The following LTBP1 variants were observed in gnomAD, a reference collection of about 807,000 sequenced individuals.
LTBP1 encodes latent transforming growth factor beta binding protein 1, also known as latent-transforming growth factor beta-binding protein 1.
A neutral mutation model predicts 207.6 loss-of-function variants in LTBP1; 129 were observed. That is an observed-to-expected ratio of 0.62 (90% CI 0.54 to 0.72). LTBP1 has a LOEUF of 0.72. LTBP1 is among the 30% of genes least tolerant of loss of function. The pLI, the probability that LTBP1 is intolerant of heterozygous loss-of-function variation, is 0.00. For missense variants in LTBP1, 2,281 were observed against 2,217.2 expected (o/e 1.03, Z -0.58); for synonymous variants, 963 against 833.7 (o/e 1.16, Z -2.67).
At chr2:33,078,862 C>CTTTTCTTTTTTTTTTTTTTTTTT (rs1367646259) in intron 3 of LTBP1, among the ~76,000 whole-genome samples, 6 of 106,888 alleles carry the variant, frequency 5.6e-5, no homozygotes, top group Non-Finnish European at 9.1e-5. Flanking sequence ...CTTTTCTTTT[C>CTTTTCTTTTTTTTTTTTTTTTTT]TTTTTTTTTT....
chr2:32,997,303 G>A (rs1410666853), intron 2 of LTBP1, among the ~76,000 whole-genome samples: 4 of 152,066 alleles, frequency 2.6e-5, no homozygotes, highest in Non-Finnish European at 5.9e-5. Context: ...TTGAGGCCAA[G>A]AGTTTGAGAC....
At chr2:33,125,462 C>CA (rs1041394356) in intron 4 of LTBP1, among the ~76,000 whole-genome samples, 5 of 150,380 alleles carry the variant, frequency 3.3e-5, no homozygotes, top group East Asian at 1.9e-4. Flanking sequence ...GAATTTGGGC[C>CA]AAAAAAAAGC....
intron 27 of LTBP1, among the ~76,000 whole-genome samples, 192 bp downstream of exon 27, chr2:33,360,971 A>G (rs1483410480): frequency 1.3e-5 from 2 of 152,222 alleles, no homozygotes; most frequent in African/African-American, 4.8e-5. Context: ...ATCATCGTGT[A>G]CTTTGACAGT....
intron 31 of LTBP1, among the ~76,000 whole-genome samples, chr2:33,373,310 A>G (rs1299632070): frequency 6.6e-6 from 1 of 152,254 alleles, no homozygotes; most frequent in East Asian, 1.9e-4. Context: ...ATCAACATAC[A>G]GAGGCATGGT....
At chr2:33,093,129 G>A (rs772734792) in intron 3 of LTBP1, among the ~76,000 whole-genome samples, 7 of 152,202 alleles carry the variant, frequency 4.6e-5, no homozygotes, top group African/African-American at 7.2e-5. Context: ...GAAGTGGAAC[G>A]TGTCTTTCAA....
chr2:33,102,083 T>A (rs1001862163), intron 3 of LTBP1, among the ~76,000 whole-genome samples: 1 of 151,926 alleles, frequency 6.6e-6, no homozygotes, highest in African/African-American at 2.4e-5. Flanking sequence ...CATTTGGAGG[T>A]TGTGCAGTTT....
intron 3 of LTBP1, among the ~76,000 whole-genome samples, chr2:33,035,304 A>T (rs774727921): frequency 2.0e-5 from 3 of 152,260 alleles, no homozygotes; most frequent in Non-Finnish European, 4.4e-5. Flanking sequence ...CTAACTGGCT[A>T]TATACCTTGA....
chr2:33,126,389 A>G (rs574063402), intron 4 of LTBP1, among the ~76,000 whole-genome samples: 1 of 152,268 alleles, frequency 6.6e-6, no homozygotes, highest in Non-Finnish European at 1.5e-5. Context: ...AAGATTCACA[A>G]AAACCAGCCC....
chr2:33,208,026 G>C lies in LTBP1; in HGVS notation c.1702-9526G>C, dbSNP rs1454486626. ...ACATGTAGTCAGTACTTTTCCCATA[G>C]GGGACTTCATTCTGATTCTTATGAA... is the stretch of plus-strand genomic sequence containing the variant. On this transcript the variant is annotated intron_variant, in intron 7 of 33. Transcript: ENST00000404816. 2.0e-5 allele frequency among the ~76,000 whole-genome samples: 3 copies of C among 152,328 alleles called. No homozygotes were observed. The East Asian group carries it at 5.8e-4, about 29-fold the overall frequency.
intron 3 of LTBP1, among the ~76,000 whole-genome samples, chr2:33,097,210 A>G (rs1339288818): frequency 2.0e-5 from 3 of 152,192 alleles, no homozygotes; most frequent in Non-Finnish European, 4.4e-5. Flanking sequence ...TAAATTGTGT[A>G]TGTTTATCAG....
At chr2:33,012,700 A>G (rs1005589016) in intron 2 of LTBP1, among the ~76,000 whole-genome samples, 2 of 152,242 alleles carry the variant, frequency 1.3e-5, no homozygotes, top group African/African-American at 2.4e-5. Context: ...ATGAATAAAG[A>G]TAACATGGAT....
chr2:33,211,928 A>T (rs2090343030), intron 7 of LTBP1, among the ~76,000 whole-genome samples: 1 of 152,210 alleles, frequency 6.6e-6, no homozygotes, highest in African/African-American at 2.4e-5. Flanking sequence ...AATATCAGGG[A>T]AGTGCTACAG....
intron 4 of LTBP1, among the ~76,000 whole-genome samples, chr2:33,116,104 C>G (rs2080732082): frequency 6.6e-6 from 1 of 152,160 alleles, no homozygotes; most frequent in Admixed American, 6.5e-5. Context: ...CAGCAATGGC[C>G]ATGTAACTGA....
intron 5 of LTBP1, among the ~76,000 whole-genome samples, chr2:33,171,970 CACCA>C (rs535488261): frequency 0.012 from 1,768 of 152,226 alleles, 9 homozygotes; most frequent in Non-Finnish European, 0.02. Flanking sequence ...GAGATTTTGT[CACCA>C]CCAGGCCTGC....
intron 2 of LTBP1, among the ~76,000 whole-genome samples, chr2:33,020,077 A>T (rs1465499370): frequency 6.6e-6 from 1 of 152,128 alleles, no homozygotes; most frequent in Non-Finnish European, 1.5e-5. Context: ...ATCCTTGCAA[A>T]TAGGAGATGA....
intron 7 of LTBP1, among the ~76,000 whole-genome samples, chr2:33,204,901 GTATTTCCAAGACAATAGCTC>G (rs2089712281): frequency 6.6e-6 from 1 of 152,210 alleles, no homozygotes; most frequent in Non-Finnish European, 1.5e-5. Context: ...GCTTGTGTTG[GTATTTCCAAGACAATAGCTC>G]TCTTTCCATT....
At chr2:33,204,327 G>A (rs1243346456) in intron 7 of LTBP1, among the ~76,000 whole-genome samples, 1 of 152,124 alleles carries the variant, frequency 6.6e-6, no homozygotes, top group African/African-American at 2.4e-5. Context: ...CACTGCCATT[G>A]GGCAAATAGC....
intron 23 of LTBP1, among the ~76,000 whole-genome samples, chr2:33,309,891 CA>C (rs2094156218): frequency 6.6e-6 from 1 of 151,028 alleles, no homozygotes; most frequent in African/African-American, 2.4e-5. Flanking sequence ...TATTTTGTCT[CA>C]TAGGTGGTAT....
chr2:33,371,198 C>A (rs185610776), intron 31 of LTBP1, among the ~76,000 whole-genome samples: 1 of 152,292 alleles, frequency 6.6e-6, no homozygotes, highest in Admixed American at 6.5e-5. Flanking sequence ...GAGGCCAGAC[C>A]GCAGACTGCA....
Sources: allele counts gnomAD v4.1 joint callset (sites outside exome capture counted in the v4.1 genomes callset), GRCh38; gene constraint gnomAD v4.1.1; transcripts MANE v1.5; gene names NCBI Gene and HGNC (gene_info 2026-07-23, HGNC 2026-07-21).